ME1: variants seen among roughly 807,000 people sequenced by gnomAD.
ME1 encodes the protein NADP-dependent malic enzyme.
ME1 carries 74 observed loss-of-function variants against 66.4 expected under a neutral mutation model. The ratio of observed to expected loss-of-function variants is 1.11; its 90% CI spans 0.92 to 1.35. The LOEUF (loss-of-function observed/expected upper bound fraction) is 1.35, where lower values mean the gene tolerates loss of function less well. ME1 is among the 40% of genes most tolerant of loss of function. The pLI is 0.00. For synonymous variants in ME1, 251 were observed against 235.6 expected (o/e 1.07, Z -0.60); for missense variants, 750 against 694.1 (o/e 1.08, Z -0.90).
chr6:83,409,672 A>G (rs1770009428), intron 1 of ME1, among the ~76,000 whole-genome samples: 1 of 152,236 alleles, frequency 6.6e-6, no homozygotes, highest in African/African-American at 2.4e-5. Flanking sequence ...GAATGACGCC[A>G]TGATAGAGCT....
chr6:83,388,063 C>T (rs1167121038), intron 3 of ME1, among the ~76,000 whole-genome samples: 1 of 150,240 alleles, frequency 6.7e-6, no homozygotes, highest in Non-Finnish European at 1.5e-5. Context: ...TTTTTCTTTC[C>T]TTTCTTCCTT....
At chr6:83,231,262 T>G (rs1790301985) in intron 9 of ME1, among the ~76,000 whole-genome samples, 1 of 152,162 alleles carries the variant, frequency 6.6e-6, no homozygotes, top group Non-Finnish European at 1.5e-5. Flanking sequence ...GTATACCCAC[T>G]GGCAGCTCCT....
chr6:83,213,372 C>T (rs1041387461), intron 13 of ME1, among the ~76,000 whole-genome samples: 9 of 151,066 alleles, frequency 6.0e-5, no homozygotes, highest in Non-Finnish European at 1.2e-4. Flanking sequence ...TGCAGTGAGC[C>T]GAGATCACAC....
At chr6:83,393,213 A>T (rs1769659413) in intron 3 of ME1, 1 of 1,158,984 alleles carries the variant, frequency 8.6e-7, no homozygotes, top group Non-Finnish European at 1.3e-6. Context: ...GGACCCCCTC[A>T]AAGGCATCCT....
intron 1 of ME1, among the ~76,000 whole-genome samples, chr6:83,422,939 T>G (rs537298768): frequency 6.6e-6 from 1 of 151,836 alleles, no homozygotes; most frequent in Non-Finnish European, 1.5e-5. Flanking sequence ...AAAAAAATAT[T>G]TGGAGAAAAT....
intron 7 of ME1, among the ~76,000 whole-genome samples, chr6:83,241,745 A>G (rs1159999277): frequency 6.6e-6 from 1 of 152,186 alleles, no homozygotes; most frequent in Non-Finnish European, 1.5e-5. Flanking sequence ...AAAACTGTAA[A>G]TTTTTACAAT....
chr6:83,225,372 C>G (rs1790175858), intron 11 of ME1, among the ~76,000 whole-genome samples: 1 of 151,972 alleles, frequency 6.6e-6, no homozygotes, highest in Non-Finnish European at 1.5e-5. Context: ...AATAAAGCAT[C>G]ACAGTCTAAG....
intron 1 of ME1, among the ~76,000 whole-genome samples, chr6:83,408,696 G>A (rs1583422154): frequency 1.3e-5 from 2 of 152,260 alleles, no homozygotes; most frequent in South Asian, 4.1e-4. Flanking sequence ...TAAGATATTT[G>A]CTGGCATTAA....
At chr6:83,312,200 T>A (rs1767943049) in intron 6 of ME1, among the ~76,000 whole-genome samples, 1 of 152,188 alleles carries the variant, frequency 6.6e-6, no homozygotes, top group Non-Finnish European at 1.5e-5. Context: ...GTCTGAGAAC[T>A]AATGAGCACA....
chr6:83,376,824 A>G (rs534478417), intron 3 of ME1, among the ~76,000 whole-genome samples: 2 of 150,390 alleles, frequency 1.3e-5, no homozygotes, highest in South Asian at 2.1e-4. Context: ...AAAAAAATTC[A>G]AAAAAGAAAT....
intron 5 of ME1, 96 bp downstream of exon 5, chr6:83,346,076 AG>A (rs1562486360): frequency 1.2e-5 from 12 of 987,552 alleles, no homozygotes; most frequent in Admixed American, 8.1e-5. Context: ...CAGACAAAAA[AG>A]AATGAATTTT....
At chr6:83,417,526 G>T (rs942114453) in intron 1 of ME1, among the ~76,000 whole-genome samples, 1 of 151,988 alleles carries the variant, frequency 6.6e-6, no homozygotes. Flanking sequence ...GACTACAGGC[G>T]CGTGCCACCA....
intron 3 of ME1, chr6:83,393,286 G>A (rs755800180): frequency 1.3e-4 from 162 of 1,246,044 alleles, no homozygotes; most frequent in Admixed American, 1.9e-4. Context: ...TTCCACCTTC[G>A]ATGCTGGGGC....
chr6:83,232,730 T>C (rs1297228398), intron 9 of ME1, among the ~76,000 whole-genome samples: 1 of 152,144 alleles, frequency 6.6e-6, no homozygotes, highest in Non-Finnish European at 1.5e-5. Context: ...TCTGATAAAA[T>C]AGCAGATAAA....
chr6:83,345,464 A>G (rs1768668037), intron 5 of ME1, among the ~76,000 whole-genome samples: 1 of 152,180 alleles, frequency 6.6e-6, no homozygotes, highest in Non-Finnish European at 1.5e-5. Flanking sequence ...TTATATCTTC[A>G]ATTGTTTTAG....
chr6:83,331,676 A>C (rs1768414007), intron 5 of ME1, among the ~76,000 whole-genome samples: 1 of 152,014 alleles, frequency 6.6e-6, no homozygotes, highest in South Asian at 2.1e-4. Flanking sequence ...GGGCATCTAC[A>C]AGTCAAGGAC....
chr6:83,418,110 T>A (rs888566648), intron 1 of ME1, among the ~76,000 whole-genome samples: 9 of 152,246 alleles, frequency 5.9e-5, no homozygotes, highest in Non-Finnish European at 1.5e-5. Context: ...CTGTGGAGAT[T>A]TGCAGAAATG....
intron 6 of ME1, among the ~76,000 whole-genome samples, chr6:83,281,000 T>C (rs1021079982): frequency 6.6e-6 from 1 of 152,186 alleles, no homozygotes; most frequent in African/African-American, 2.4e-5. Context: ...ATCTCACAAA[T>C]AAAATGAAGT....
chr6:83,261,745 G>A (rs1766895398), intron 6 of ME1, among the ~76,000 whole-genome samples: 2 of 152,100 alleles, frequency 1.3e-5, no homozygotes, highest in African/African-American at 4.8e-5. Context: ...CGGGCGCGGT[G>A]GCTCACGCCT....
Sources: allele counts gnomAD v4.1 joint callset (sites outside exome capture counted in the v4.1 genomes callset), GRCh38; gene constraint gnomAD v4.1.1; transcripts MANE v1.5; gene names NCBI Gene and HGNC (gene_info 2026-07-23, HGNC 2026-07-21).